The following PCDHA10 variants were observed in gnomAD, a reference collection of about 807,000 sequenced individuals.
PCDHA10 encodes protocadherin alpha 10.
A neutral mutation model predicts 61.2 loss-of-function variants in PCDHA10; 45 were observed. The ratio of observed to expected loss-of-function variants is 0.74; its 90% CI spans 0.58 to 0.94. The LOEUF is 0.94. Ranked by LOEUF, PCDHA10 falls within the 40% of genes least tolerant of loss-of-function variation. The probability of loss-of-function intolerance (pLI) is 0.00; values close to 1 mark genes in which losing one functional copy is unlikely to be tolerated. For missense variants in PCDHA10, 1,278 were observed against 1,236.2 expected, an observed-to-expected ratio of 1.03 and a Z score of -0.51; for synonymous variants, 602 against 548.8, an observed-to-expected ratio of 1.10 and a Z score of -1.35.
chr5:140,866,472 CT>C (rs2049389020), intron 1 of PCDHA10: 2 of 152,112 alleles, frequency 1.3e-5, no homozygotes, highest in Non-Finnish European at 2.9e-5. Flanking sequence ...CTCATAACAA[CT>C]GACAAATGAT....
chr5:140,918,511 C>G (rs574083461), intron 1 of PCDHA10, among the ~76,000 whole-genome samples: 1 of 152,144 alleles, frequency 6.6e-6, no homozygotes, highest in African/African-American at 2.4e-5. Flanking sequence ...TCCTTTTAAA[C>G]TTATTGAGGA....
chr5:140,905,632 G>A lies in PCDHA10; in HGVS notation c.2388+47196G>A, dbSNP rs146826869. 9.9e-4 allele frequency among the ~76,000 whole-genome samples: 150 copies of A among 152,224 alleles called. 1 individual carries two copies. Among genetic ancestry groups the A allele is most frequent in the African/African-American group, 3.4e-3 (141 of 41,546 alleles). ...TCTATAGATTGCTTTTGACAGTATG[G>A]TCAGTTTCACAGTATTGATTCCTGT... On this transcript the variant is annotated intron_variant, in intron 1 of 3. Transcript: ENST00000307360.
chr5:141,010,455 T>G lies in PCDHA10; in HGVS notation c.*518T>G. The stretch of plus-strand genomic sequence containing the variant: ...AACAAAGACAAATAAACAGCGGAAG[T>G]TATCAGTATGGAGGGGAAGTGTAAA... On this transcript the variant is annotated 3_prime_UTR_variant, in exon 4 of 4. Transcript: ENST00000307360. 1 of 883,470 alleles carries G rather than the reference T, an allele frequency of 1.1e-6. No homozygotes were observed. Among genetic ancestry groups the G allele is most frequent in the South Asian group, 1.9e-5 (1 of 53,228 alleles). 54.7% of individuals were successfully genotyped at this position (883,470 alleles called of 1,614,324 possible). A position where few individuals can be genotyped will look rare whatever the true frequency, so the allele number is the denominator to read the frequency against.
intron 1 of PCDHA10, among the ~76,000 whole-genome samples, chr5:140,941,216 T>TTTCTTTCTTTCTTTCTTTC (rs2092891567): frequency 8.0e-6 from 1 of 124,950 alleles, no homozygotes; most frequent in East Asian, 2.2e-4. Context: ...TCTTTCTTCC[T>TTTCTTTCTTTCTTTCTTTC]TTCTTTCTTT....
chr5:140,877,326 G>C (rs781931363), intron 1 of PCDHA10: 3 of 1,613,964 alleles, frequency 1.9e-6, no homozygotes. Flanking sequence ...CGGTCGGCGC[G>C]CACATCCCGT....
In PCDHA10 at chr5:140,856,469, A is replaced by G. The variant is rs868928248; in HGVS notation, c.421A>G (p.Ile141Val). 8.8e-6 allele frequency: 14 copies of G among 1,598,158 alleles called. 1 individual carries two copies. The highest frequency in any genetic ancestry group is 1.2e-5 in the Non-Finnish European group (14 of 1,167,896). ...CTCCGTAACAGAACAAAAGCTCTCA[A>G]TACCTGAATCCAGACTGCTTGACTC... is the stretch of plus-strand genomic sequence containing the variant. Reference protein sequence around the residue: ...RFSVTEQKLSIPESRLLDSRF... With the variant: ...RFSVTEQKLSVPESRLLDSRF... The change falls in exon 1 of 4, where the codon ATA becomes GTA. Residue 141 changes from isoleucine (I) to valine (V), a missense_variant. Transcript: ENST00000307360.
chr5:140,954,487 A>T (rs1585567544), intron 1 of PCDHA10, among the ~76,000 whole-genome samples: 1 of 152,120 alleles, frequency 6.6e-6, no homozygotes, highest in African/African-American at 2.4e-5. Flanking sequence ...AAGATATTTC[A>T]TTGTGGTTTT....
intron 1 of PCDHA10, among the ~76,000 whole-genome samples, chr5:140,881,049 A>C (rs990514512): frequency 6.6e-6 from 1 of 152,238 alleles, no homozygotes; most frequent in Admixed American, 6.5e-5. Flanking sequence ...AGAGTTGTGC[A>C]CAGAACAGGC....
chr5:141,005,990 A>G (rs1375805001), intron 3 of PCDHA10, among the ~76,000 whole-genome samples: 6 of 151,998 alleles, frequency 3.9e-5, no homozygotes, highest in Admixed American at 3.9e-4. Flanking sequence ...GTGTTTGAGG[A>G]TCTGAAAGAA....
intron 1 of PCDHA10, chr5:140,882,963 T>C (rs2059384915): frequency 3.7e-6 from 6 of 1,614,088 alleles, no homozygotes; most frequent in Admixed American, 1.7e-5. Context: ...CTCATCACGA[T>C]TCTGGACGTG....
Position 140,856,296 on chromosome 5 carries a change from T to G in PCDHA10, c.248T>G (p.Leu83Trp). 6.3e-7 allele frequency: 1 copy of G among 1,598,576 alleles called. No individual in the cohort carries two copies. Among genetic ancestry groups the G allele is most frequent in the Non-Finnish European group, 8.6e-7 (1 of 1,168,058 alleles). The change falls in exon 1 of 4, where the codon TTG (leucine) becomes TGG (tryptophan). Residue 83 changes from leucine to tryptophan, a missense_variant. Coordinates refer to ENST00000307360, the MANE Select transcript of PCDHA10 (RefSeq NM_018901.4). ...LLEVNLQNGI[L>W]FVNSRIDREE... ...GAGGTAAATCTGCAGAATGGCATTT[T>G]GTTTGTGAATTCTCGGATTGACCGC...
At chr5:140,927,186 C>T in intron 1 of PCDHA10, 1 of 1,614,174 alleles carries the variant, frequency 6.2e-7, no homozygotes, top group East Asian at 2.2e-5. Context: ...TGACCTACGA[C>T]CTGGTGCTCG....
At chr5:140,891,502 T>C (rs11748559) in intron 1 of PCDHA10, among the ~76,000 whole-genome samples, 18,999 of 152,020 alleles carry the variant, frequency 0.12, 1,247 homozygotes, top group Middle Eastern at 0.19. Context: ...TCCTCAGCTA[T>C]AATGTTCTCC....
intron 1 of PCDHA10, among the ~76,000 whole-genome samples, chr5:140,897,009 ATAC>A (rs2065839600): frequency 6.6e-6 from 1 of 152,174 alleles, no homozygotes. Flanking sequence ...ATTTTTAAAT[ATAC>A]AACTAAATTA....
chr5:140,933,646 A>G (rs1459396156), intron 1 of PCDHA10, among the ~76,000 whole-genome samples: 16 of 152,120 alleles, frequency 1.1e-4, no homozygotes, highest in African/African-American at 3.9e-4. Flanking sequence ...AACAAGTTGG[A>G]AATCCTGTCT....
intron 1 of PCDHA10, chr5:140,869,787 G>A (rs1554163463): frequency 3.1e-6 from 5 of 1,612,888 alleles, no homozygotes; most frequent in Middle Eastern, 1.6e-4. Flanking sequence ...CCGTTCGGCT[G>A]TTAGTCCAAG....
chr5:140,862,256 A>C (rs2047276539), intron 1 of PCDHA10: 1 of 223,718 alleles, frequency 4.5e-6, no homozygotes, highest in Non-Finnish European at 8.9e-6. Context: ...TTCCAGAGTT[A>C]GCAGTAAGTC....
chr5:140,904,940 A>G (rs368833420), intron 1 of PCDHA10, among the ~76,000 whole-genome samples: 1 of 152,136 alleles, frequency 6.6e-6, no homozygotes, highest in African/African-American at 2.4e-5. Context: ...TCTGGATATT[A>G]GTCCTTTGTC....
chr5:140,925,668 A>G (rs1215540778), intron 1 of PCDHA10, among the ~76,000 whole-genome samples: 1 of 149,482 alleles, frequency 6.7e-6, no homozygotes, highest in Admixed American at 6.7e-5. Context: ...TAATAATAAT[A>G]ATAATAATAA....
Sources: allele counts gnomAD v4.1 joint callset (sites outside exome capture counted in the v4.1 genomes callset), GRCh38; gene constraint gnomAD v4.1.1; transcripts MANE v1.5; gene names NCBI Gene and HGNC (gene_info 2026-07-23, HGNC 2026-07-21).